Variants in MROH1 observed in about 807,000 individuals in gnomAD.
MROH1 encodes maestro heat-like repeat-containing protein family member 1.
Under a neutral mutation model 116.5 loss-of-function variants are expected in MROH1, and 117 were observed. The observed-to-expected ratio is 1.00, with a 90% CI of 0.86 to 1.17. The LOEUF (loss-of-function observed/expected upper bound fraction) is 1.17, where lower values mean the gene tolerates loss of function less well. Ranked by LOEUF, MROH1 falls within the 50% of genes most tolerant of loss-of-function variation. The pLI is 0.00. For synonymous variants in MROH1, 921 were observed against 583.9 expected (o/e 1.58, Z -8.32); for missense variants, 1,873 against 1,338.5 (o/e 1.40, Z -6.23).
At chr8:144,199,612 A>G (rs1830666846) in intron 11 of MROH1, among the ~76,000 whole-genome samples, 1 of 152,028 alleles carries the variant, frequency 6.6e-6, no homozygotes, top group Non-Finnish European at 1.5e-5. Context: ...GGTGCCATGC[A>G]TCCTGTCACC....
rs1409586224 is a variant in MROH1, at chr8:144,166,311, G to A, written c.23-1984G>A. Among the ~76,000 whole-genome samples the A allele has an allele frequency of 2.0e-5, 3 of 152,224 alleles. 1 individual carries two copies. Among genetic ancestry groups the A allele is most frequent in the South Asian group, 4.1e-4 (2 of 4,834 alleles). On this transcript the variant is annotated intron_variant, in intron 3 of 43. Coordinates refer to ENST00000326134, the MANE Select transcript of MROH1 (RefSeq NM_032450.3). Reference sequence around the variant, plus strand: ...GGAGGGACGTGGCGTGGAAGTTGTAGCAGCATTGCCGGTGTAGTAGAGAGC... The same window carrying A: ...GGAGGGACGTGGCGTGGAAGTTGTAACAGCATTGCCGGTGTAGTAGAGAGC...
At chr8:144,205,382 G>C (rs111578573) in intron 12 of MROH1, among the ~76,000 whole-genome samples, 2,394 of 152,218 alleles carry the variant, frequency 0.016, 55 homozygotes, top group African/African-American at 0.053. Flanking sequence ...TTGTCTTCTA[G>C]AATCTGTTAC....
intron 31 of MROH1, 126 bp from the exon 32 acceptor site, chr8:144,248,737 AGGGCCCAGCGGCTG>A: frequency 1.5e-6 from 1 of 686,190 alleles, no homozygotes. Context: ...TTGAAGGCGC[AGGGCCCAGCGGCTG>A]GGGCCCGGCT....
At chr8:144,173,532 TCTC>T (rs1431493212) in intron 4 of MROH1, among the ~76,000 whole-genome samples, 1 of 152,014 alleles carries the variant, frequency 6.6e-6, no homozygotes, top group Non-Finnish European at 1.5e-5. Context: ...TTCAAGCAGT[TCTC>T]CTGCCTCAGC....
intron 11 of MROH1, 121 bp from the exon 12 acceptor site, chr8:144,200,307 C>T (rs940278814): frequency 8.3e-5 from 65 of 778,806 alleles, no homozygotes; most frequent in Non-Finnish European, 1.2e-4. Context: ...GTGACCCCAG[C>T]TTCTCACCTT....
At position 144,163,965 on chromosome 8, in the gene MROH1, C is replaced by G; in HGVS notation, c.22+117C>G. On this transcript the variant is annotated intron_variant, in intron 3 of 43. Coordinates refer to ENST00000326134, the MANE Select transcript of MROH1 (RefSeq NM_032450.3). This position sits in a 1 kb window ranked among gnomAD's most constrained non-coding sequence, Gnocchi z 4.4. ...GTGCCTAGAGTTTCCACCCTATACT[C>G]GGGAGCCTGAGTGGGTTCTGGGCAG... 1 of 1,095,408 alleles carries G rather than the reference C, an allele frequency of 9.1e-7. No individual in the cohort carries two copies. The allele number at this position is 1,095,408 out of a possible 1,614,324, so 67.9% of individuals were successfully genotyped here. A position where few individuals can be genotyped will look rare whatever the true frequency, so the allele number is the denominator to read the frequency against.
Position 144,213,197 on chromosome 8 carries a change from T to C in MROH1, c.1142-7403T>C, listed in dbSNP as rs979199754. ...TTGGTTCTGCGGGCGACTGCCCATGTGGCCCTCAGCCCCATCCTCTGTTCA... is the reference window on the plus strand; with the variant it reads ...TTGGTTCTGCGGGCGACTGCCCATGCGGCCCTCAGCCCCATCCTCTGTTCA... On this transcript the variant is annotated intron_variant, in intron 12 of 43. Coordinates refer to ENST00000326134, the MANE Select transcript of MROH1 (RefSeq NM_032450.3). 1.0e-4 allele frequency: 75 copies of C among 715,592 alleles called. No homozygotes were observed. In the Middle Eastern group the frequency reaches 1.1e-3, roughly 11 times the overall value. 44.3% of individuals were successfully genotyped at this position (715,592 alleles called of 1,614,324 possible).
In MROH1 at chr8:144,200,327, A is replaced by C. The variant is rs546184741; in HGVS notation, c.1028-101A>C. 6 of 939,930 alleles carry C rather than the reference A, an allele frequency of 6.4e-6. No individual in the cohort carries two copies. In the East Asian group the frequency reaches 1.1e-4, roughly 17 times the overall value. 58.2% of individuals were successfully genotyped at this position (939,930 alleles called of 1,614,324 possible). A position where few individuals can be genotyped will look rare whatever the true frequency, so the allele number is the denominator to read the frequency against. On this transcript the variant is annotated intron_variant, in intron 11 of 43. Coordinates refer to ENST00000326134, the MANE Select transcript of MROH1 (RefSeq NM_032450.3). ...CCCAGCTTCTCACCTTCACACAGCA[A>C]CTCTCCTCTGGCTCCTCCCCTGTGC...
intron 14 of MROH1, among the ~76,000 whole-genome samples, chr8:144,225,097 G>A (rs1395451803): frequency 1.3e-5 from 2 of 151,964 alleles, no homozygotes. Context: ...AGAGTGCAGT[G>A]GCACGATAAT....
chr8:144,149,986 C>T (rs1396343249), intron 1 of MROH1, among the ~76,000 whole-genome samples: 1 of 152,016 alleles, frequency 6.6e-6, no homozygotes, highest in Admixed American at 6.6e-5. Context: ...GGACCTGACG[C>T]GTGGGTGGGG....
At chr8:144,172,468 A>G (rs187920556) in intron 4 of MROH1, among the ~76,000 whole-genome samples, 3 of 149,710 alleles carry the variant, frequency 2.0e-5, no homozygotes, top group Non-Finnish European at 4.4e-5. Flanking sequence ...CTGGAGGGCA[A>G]TGGCGCGATC....
rs564139751 is a variant in MROH1, at chr8:144,224,753, C to T, written c.1338+1523C>T. Reference sequence around the variant, plus strand: ...TGAGACAAGTGGGCCTTGGGGTGTTCGCCAGACACACTGTAGAGGGGGTGA... The same window carrying T: ...TGAGACAAGTGGGCCTTGGGGTGTTTGCCAGACACACTGTAGAGGGGGTGA... On this transcript the variant is annotated intron_variant, in intron 14 of 43. Transcript: ENST00000326134. 2.6e-5 allele frequency among the ~76,000 whole-genome samples: 4 copies of T among 152,224 alleles called. No individual in the cohort carries two copies. In the South Asian group the frequency reaches 6.2e-4, roughly 24 times the overall value.
At chr8:144,151,697 C>T (rs1452168940) in intron 1 of MROH1, among the ~76,000 whole-genome samples, 2 of 152,356 alleles carry the variant, frequency 1.3e-5, no homozygotes, top group African/African-American at 2.4e-5. Flanking sequence ...TGCCTATAGA[C>T]GGCAAACTAA....
intron 4 of MROH1, among the ~76,000 whole-genome samples, chr8:144,178,950 A>T (rs758779935): frequency 9.2e-5 from 14 of 152,076 alleles, no homozygotes. Flanking sequence ...GCGGAGGGTT[A>T]ACCTGGGAGG....
chr8:144,161,383 G>A (rs1246481376), intron 2 of MROH1, among the ~76,000 whole-genome samples: 1 of 152,162 alleles, frequency 6.6e-6, no homozygotes, highest in Non-Finnish European at 1.5e-5. Context: ...CCCGCTGCAG[G>A]TCTCTAAAGT....
At chr8:144,255,281 T>G (rs1467615979) in intron 34 of MROH1, among the ~76,000 whole-genome samples, 2 of 152,250 alleles carry the variant, frequency 1.3e-5, no homozygotes, top group Non-Finnish European at 2.9e-5. Context: ...ACAGATGGCC[T>G]GAGGTCTGTC....
At chr8:144,178,715 G>C (rs1462770443) in intron 4 of MROH1, among the ~76,000 whole-genome samples, 2 of 152,168 alleles carry the variant, frequency 1.3e-5, no homozygotes, top group Non-Finnish European at 2.9e-5. Flanking sequence ...TGCATCATTG[G>C]GGAGGGGCTG....
Position 144,255,755 on chromosome 8 carries a change from C to G in MROH1, c.3791+50C>G. On this transcript the variant is annotated intron_variant, in intron 35 of 43. Coordinates refer to ENST00000326134, the MANE Select transcript of MROH1 (RefSeq NM_032450.3). ...TCCAGTACTGATTCGGAAGCACAGG[C>G]ATGCGTGTGCACGCGCGTGGTGGGG... 8 of 713,534 alleles carry G rather than the reference C, an allele frequency of 1.1e-5. No individual in the cohort carries two copies. The South Asian group carries it at 1.2e-4, about 11-fold the overall frequency. 44.2% of individuals were successfully genotyped at this position (713,534 alleles called of 1,614,324 possible). A position where few individuals can be genotyped will look rare whatever the true frequency, so the allele number is the denominator to read the frequency against.
At chr8:144,154,759 C>T (rs1305852114) in intron 1 of MROH1, among the ~76,000 whole-genome samples, 1 of 151,888 alleles carries the variant, frequency 6.6e-6, no homozygotes, top group Non-Finnish European at 1.5e-5. Context: ...CCTCCGCCTC[C>T]TGGGTTCAAG....
Sources: gnomAD v4.1 joint callset for allele counts (sites outside exome capture counted in the v4.1 genomes callset) on GRCh38, gnomAD v4.1.1 for gene constraint, Gnocchi (gnomAD v3.1) non-coding constraint, MANE v1.5 for transcripts, NCBI Gene and HGNC (gene_info 2026-07-23, HGNC 2026-07-21) for gene names.